The following NUDT4 variants were observed in gnomAD, a reference collection of about 807,000 sequenced individuals.
The protein encoded by NUDT4 is nudix hydrolase 4.
A neutral mutation model predicts 23.1 loss-of-function variants in NUDT4; 5 were observed. The observed-to-expected ratio is 0.22, with a 90% CI of 0.11 to 0.46. The LOEUF (loss-of-function observed/expected upper bound fraction) is 0.46. Among genes scored for constraint, NUDT4 ranks in the 20% least tolerant of loss-of-function variants. The pLI, the probability that NUDT4 is intolerant of heterozygous loss-of-function variation, is 0.99. For missense variants in NUDT4, 96 were observed against 211.6 expected, an observed-to-expected ratio of 0.45 and a Z score of 3.39; for synonymous variants, 50 against 79.0, an observed-to-expected ratio of 0.63 and a Z score of 1.95.
chr12:93,380,407 A>G (rs1875574249), intron 1 of NUDT4, among the ~76,000 whole-genome samples: 3 of 152,248 alleles, frequency 2.0e-5, no homozygotes, highest in Admixed American at 2.0e-4. Context: ...ACTGAAATAA[A>G]TACTAAATTC....
intron 1 of NUDT4, among the ~76,000 whole-genome samples, chr12:93,379,974 A>G (rs1163791117): frequency 1.3e-5 from 2 of 152,246 alleles, no homozygotes; most frequent in East Asian, 3.8e-4. Context: ...CTGCCAGAAG[A>G]AAACTTGTTA....
At chr12:93,386,208 C>T (rs1876084529) in intron 1 of NUDT4, among the ~76,000 whole-genome samples, 2 of 151,886 alleles carry the variant, frequency 1.3e-5, no homozygotes, top group South Asian at 4.2e-4. Flanking sequence ...AGCTCCTAGA[C>T]TCAGTCCGCC....
At chr12:93,392,718 C>T (rs1162855915) in intron 1 of NUDT4, among the ~76,000 whole-genome samples, 5 of 106,966 alleles carry the variant, frequency 4.7e-5, no homozygotes, top group Non-Finnish European at 9.1e-5. Flanking sequence ...GTTGCCCAGG[C>T]TGGAGTGCAG....
chr12:93,394,083 A>ACCTCCACCT (rs1263577310), intron 1 of NUDT4, among the ~76,000 whole-genome samples: 1 of 151,814 alleles, frequency 6.6e-6, no homozygotes, highest in East Asian at 1.9e-4. Flanking sequence ...GTTCATTGCA[A>ACCTCCACCT]CCTCCACCTC....
At position 93,407,958 on chromosome 12, in the gene NUDT4, T is replaced by C. The variant is rs1877907312; in HGVS notation, c.*8579T>C. The C allele has an allele frequency of 6.6e-6, 1 of 152,224 alleles. No individual in the cohort carries two copies. Among genetic ancestry groups the C allele is most frequent in the Non-Finnish European group, 1.5e-5 (1 of 68,046 alleles). The allele number at this position is 152,224 out of a possible 1,614,324, so 9.4% of individuals were successfully genotyped here. ...ACCATGAAATTAGAAATTCACTGCA[T>C]TTGAAATGAAAATGACTTATTTCTG... On this transcript the variant is annotated 3_prime_UTR_variant, in exon 5 of 5. Coordinates refer to ENST00000415493, the MANE Select transcript of NUDT4 (RefSeq NM_019094.6).
chr12:93,385,136 GAC>G (rs1875965189), intron 1 of NUDT4: 1 of 152,154 alleles, frequency 6.6e-6, no homozygotes, highest in South Asian at 2.1e-4. Context: ...TCTAGGAAAA[GAC>G]AAAATAACTC....
intron 1 of NUDT4, among the ~76,000 whole-genome samples, chr12:93,393,643 T>C (rs1876718143): frequency 6.6e-6 from 1 of 152,222 alleles, no homozygotes; most frequent in South Asian, 2.1e-4. Context: ...AAAATACTTC[T>C]GGCTCACAGA....
At chr12:93,396,317 T>C (rs1050060994) in intron 3 of NUDT4, among the ~76,000 whole-genome samples, 1 of 152,206 alleles carries the variant, frequency 6.6e-6, no homozygotes, top group Non-Finnish European at 1.5e-5. Context: ...CTCTTTCATA[T>C]ATTCTCTTAT....
chr12:93,406,275 C>CAAAAAAAAAAAAAAAAAAAA lies in NUDT4; in HGVS notation c.*6907_*6926dup, dbSNP rs58309798. ...AGAGCTAGAAAGTGGCTAGAGCAGC[C>CAAAAAAAAAAAAAAAAAAAA]AAAAAAAAAAAAAAAAAAAAAAAAA... is the stretch of plus-strand genomic sequence containing the variant. On this transcript the variant is annotated 3_prime_UTR_variant, in exon 5 of 5. Transcript: ENST00000415493. 5.3e-4 allele frequency: 20 copies of CAAAAAAAAAAAAAAAAAAAA among 38,000 alleles called. No individual in the cohort carries two copies. The highest frequency in any genetic ancestry group is 6.4e-4 in the Non-Finnish European group (13 of 20,268). The allele number at this position is 38,000 out of a possible 1,614,324, so 2.4% of individuals were successfully genotyped here.
In NUDT4 at chr12:93,404,827, G is replaced by T. The variant is rs1403510272; in HGVS notation, c.*5448G>T. ...GGGAAATAGACATGAGCAGGGCAGA[G>T]AACTACAACCTACAGGCCAAACCCC... On this transcript the variant is annotated 3_prime_UTR_variant, in exon 5 of 5. Coordinates refer to ENST00000415493, the MANE Select transcript of NUDT4 (RefSeq NM_019094.6). 1 of 151,922 alleles carries T rather than the reference G, an allele frequency of 6.6e-6. No individual in the cohort carries two copies. The highest frequency in any genetic ancestry group is 2.4e-5 in the African/African-American group (1 of 41,360). 9.4% of individuals were successfully genotyped at this position (151,922 alleles called of 1,614,324 possible). A position where few individuals can be genotyped will look rare whatever the true frequency, so the allele number is the denominator to read the frequency against.
In NUDT4 at chr12:93,404,889, AT is replaced by A. The variant is rs1226937776; in HGVS notation, c.*5517del. ...TGTTTGTACGGCCAACAAGTTTAAA[AT>A]TTTTTTAATGTTTTAGGTTTTTTTT... On this transcript the variant is annotated 3_prime_UTR_variant, in exon 5 of 5. Coordinates refer to ENST00000415493, the MANE Select transcript of NUDT4 (RefSeq NM_019094.6). 6.6e-6 allele frequency: 1 copy of A among 150,828 alleles called. No homozygotes were observed. The highest frequency in any genetic ancestry group is 6.6e-5 in the Admixed American group (1 of 15,226). 9.3% of individuals were successfully genotyped at this position (150,828 alleles called of 1,614,324 possible).
At chr12:93,388,896 T>A (rs1468395428) in intron 1 of NUDT4, among the ~76,000 whole-genome samples, 1 of 152,176 alleles carries the variant, frequency 6.6e-6, no homozygotes, top group Non-Finnish European at 1.5e-5. Context: ...TAGTGGTGAC[T>A]GTGTTAGCTG....
chr12:93,392,251 C>T (rs567209971), intron 1 of NUDT4, among the ~76,000 whole-genome samples: 1 of 139,244 alleles, frequency 7.2e-6, no homozygotes, highest in African/African-American at 2.6e-5. Flanking sequence ...TTTCCCCCCC[C>T]CCCTTTTTTT....
Position 93,407,971 on chromosome 12 carries a change from T to C in NUDT4, c.*8592T>C, listed in dbSNP as rs1295908545. On this transcript the variant is annotated 3_prime_UTR_variant, in exon 5 of 5. Coordinates refer to ENST00000415493, the MANE Select transcript of NUDT4 (RefSeq NM_019094.6). ...AAATTCACTGCATTTGAAATGAAAA[T>C]GACTTATTTCTGTACTTCTATAACT... is the stretch of plus-strand genomic sequence containing the variant. 6.6e-6 allele frequency: 1 copy of C among 152,240 alleles called. No individual in the cohort carries two copies. The highest frequency in any genetic ancestry group is 1.5e-5 in the Non-Finnish European group (1 of 68,034). The allele number at this position is 152,240 out of a possible 1,614,324, so 9.4% of individuals were successfully genotyped here. A position where few individuals can be genotyped will look rare whatever the true frequency, so the allele number is the denominator to read the frequency against.
intron 1 of NUDT4, among the ~76,000 whole-genome samples, chr12:93,380,027 C>T (rs1018376655): frequency 2.0e-5 from 3 of 152,090 alleles, no homozygotes; most frequent in African/African-American, 7.2e-5. Context: ...GAAGTTACTC[C>T]CATTTTATAG....
At chr12:93,392,552 C>A (rs560832193) in intron 1 of NUDT4, among the ~76,000 whole-genome samples, 1 of 150,448 alleles carries the variant, frequency 6.6e-6, no homozygotes, top group Admixed American at 6.7e-5. Flanking sequence ...CCACTGCGCC[C>A]GGCCAGATAT....
chr12:93,378,607 G>A, intron 1 of NUDT4, 186 bp downstream of exon 1: 1 of 1,262,692 alleles, frequency 7.9e-7, no homozygotes, highest in Non-Finnish European at 1.0e-6. Context: ...TGGGCTGATA[G>A]ATGAGACAAA....
rs1224781623 is a variant in NUDT4 at position 93,407,448 on chromosome 12, A to G, written c.*8069A>G. 6.6e-6 allele frequency: 1 copy of G among 152,234 alleles called. No homozygotes were observed. The highest frequency in any genetic ancestry group is 1.5e-5 in the Non-Finnish European group (1 of 68,048). 9.4% of individuals were successfully genotyped at this position (152,234 alleles called of 1,614,324 possible). A position where few individuals can be genotyped will look rare whatever the true frequency, so the allele number is the denominator to read the frequency against. On this transcript the variant is annotated 3_prime_UTR_variant, in exon 5 of 5. Transcript: ENST00000415493. ...TTGAATAATGTGTTTCCTTTAGCCC[A>G]GGGATTACAAAGTCAAAGGCTTACA...
chr12:93,379,351 C>T (rs1200614620), intron 1 of NUDT4, among the ~76,000 whole-genome samples: 1 of 152,142 alleles, frequency 6.6e-6, no homozygotes. Flanking sequence ...GGTATTGCCA[C>T]TCTTAAGATA....
Sources: allele counts gnomAD v4.1 joint callset (sites outside exome capture counted in the v4.1 genomes callset), GRCh38; gene constraint gnomAD v4.1.1; transcripts MANE v1.5; gene names NCBI Gene and HGNC (gene_info 2026-07-23, HGNC 2026-07-21).